SVEP1: variants seen among roughly 807,000 people sequenced by gnomAD.
SVEP1 encodes the protein sushi, von Willebrand factor type A, EGF and pentraxin domain containing 1.
A neutral mutation model predicts 367.3 loss-of-function variants in SVEP1; 164 were observed. The ratio of observed to expected loss-of-function variants is 0.45; its 90% CI spans 0.39 to 0.51. SVEP1 has a LOEUF of 0.51. Ranked by LOEUF, SVEP1 falls within the 20% of genes least tolerant of loss-of-function variation. SVEP1 has a pLI of 0.00. For missense variants in SVEP1, 4,117 were observed against 4,425.3 expected, an observed-to-expected ratio of 0.93 and a Z score of 1.98; for synonymous variants, 1,666 against 1,611.6, an observed-to-expected ratio of 1.03 and a Z score of -0.81.
At chr9:110,390,289 AC>A (rs1486261888) in intron 40 of SVEP1, among the ~76,000 whole-genome samples, 12 of 27,928 alleles carry the variant, frequency 4.3e-4, no homozygotes, top group African/African-American at 1.1e-3. Context: ...ATATATACAT[AC>A]TTATATATAC....
chr9:110,470,151 A>G (rs1024558402), intron 16 of SVEP1, among the ~76,000 whole-genome samples: 5 of 152,132 alleles, frequency 3.3e-5, no homozygotes, highest in Non-Finnish European at 4.4e-5. Context: ...ATTGACCCAG[A>G]TCATGGCAGT....
chr9:110,455,583 C>T lies in SVEP1; in HGVS notation c.3787+7G>A. The T allele has an allele frequency of 6.2e-7, 1 of 1,603,388 alleles. No individual in the cohort carries two copies. Among genetic ancestry groups the T allele is most frequent in the South Asian group, 1.1e-5 (1 of 89,644 alleles). On this transcript the variant is annotated splice_region_variant and intron_variant, in intron 22 of 47. Transcript: ENST00000374469. ...ATATTGTTGAAAACAGGAGACCTTC[C>T]CCTTACCTGTGTAACCTGATGGGCA...
At chr9:110,465,769 T>G in intron 18 of SVEP1, 96 bp downstream of exon 18, 1 of 1,389,836 alleles carries the variant, frequency 7.2e-7, no homozygotes, top group South Asian at 1.5e-5. Flanking sequence ...ATTCTGTGCA[T>G]AGAGTAGATG....
intron 27 of SVEP1, among the ~76,000 whole-genome samples, chr9:110,440,965 C>T (rs778763599): frequency 6.6e-5 from 10 of 152,184 alleles, no homozygotes; most frequent in Non-Finnish European, 1.5e-4. Flanking sequence ...ATTTGAGAGA[C>T]TCATTTTAAC....
chr9:110,408,602 A>T lies in SVEP1; in HGVS notation c.6998T>A (p.Leu2333Gln). 6.2e-7 allele frequency: 1 copy of T among 1,613,964 alleles called. No homozygotes were observed. The highest frequency in any genetic ancestry group is 8.5e-7 in the Non-Finnish European group (1 of 1,179,890). ...CPEPPLLENQ[L>Q]VLKELTTEVG... The stretch of plus-strand genomic sequence containing the variant: ...CTCGGTGGTCAACTCCTTTAATACT[A>T]GCTGGTTTTCCAAGAGGGGCGGCTC... The change falls in exon 38 of 48, where the codon CTA becomes CAA. Residue 2333 changes from leucine (L) to glutamine (Q), a missense_variant. By Grantham distance (113) the Leu-to-Gln change is moderately radical. Around this residue, in one of 4 missense-constraint regions of SVEP1, gnomAD observed 1,765 missense variants for 1,781.1 expected, o/e 0.99. Coordinates refer to ENST00000374469, the MANE Select transcript of SVEP1 (RefSeq NM_153366.4).
chr9:110,485,833 T>C (rs1829268737), intron 9 of SVEP1, among the ~76,000 whole-genome samples: 1 of 152,208 alleles, frequency 6.6e-6, no homozygotes, highest in African/African-American at 2.4e-5. Flanking sequence ...CCAAGATATA[T>C]GCAAATACAT....
At chr9:110,508,760 CAAAAAAAAAAA>C (rs11316319) in intron 5 of SVEP1, among the ~76,000 whole-genome samples, 1 of 76,496 alleles carries the variant, frequency 1.3e-5, no homozygotes, top group Admixed American at 1.8e-4. Flanking sequence ...GACTCCATCT[CAAAAAAAAAAA>C]AAAAAAAAAA....
intron 47 of SVEP1, among the ~76,000 whole-genome samples, chr9:110,368,625 A>ATAAAATC (rs1456345770): frequency 1.2e-4 from 18 of 152,352 alleles, no homozygotes; most frequent in African/African-American, 3.8e-4. Context: ...AGGTTGAAAT[A>ATAAAATC]TAAAATCTAA....
At chr9:110,483,302 C>T (rs1324972149) in intron 10 of SVEP1, among the ~76,000 whole-genome samples, 1 of 152,086 alleles carries the variant, frequency 6.6e-6, no homozygotes, top group East Asian at 1.9e-4. Flanking sequence ...GCAACATAAG[C>T]TTGGAGACTA....
intron 40 of SVEP1, among the ~76,000 whole-genome samples, chr9:110,390,325 T>TTATATAAGTATGTG (rs1564127547): frequency 5.2e-5 from 3 of 58,072 alleles, no homozygotes; most frequent in African/African-American, 2.5e-4. Flanking sequence ...GTATATATAC[T>TTATATAAGTATGTG]TATATATACA....
chr9:110,503,190 G>A lies in SVEP1; in HGVS notation c.1331C>T (p.Pro444Leu), dbSNP rs116347456. The change falls in exon 6 of 48, where the codon CCG (proline) becomes CTG (leucine). Residue 444 changes from proline (P) to leucine (L), a missense_variant. By Grantham distance (98) the Pro-to-Leu change is moderately conservative (BLOSUM62 -3). This residue lies in a region of SVEP1 where 2,174 missense variants were observed against 2,494.3 expected (regional missense o/e 0.87). Transcript: ENST00000374469. ...RVRTCPHLRQ[P>L]KHGHISCSTR... The stretch of plus-strand genomic sequence containing the variant: ...AGAACAGCTGATGTGGCCATGTTTC[G>A]GCTGGCGGAGATGAGGACATGTTCT... 1.2e-3 allele frequency: 1,986 copies of A among 1,613,244 alleles called. 26 individuals carry two copies. In the African/African-American group the frequency reaches 0.022, roughly 18 times the overall value.
intron 18 of SVEP1, among the ~76,000 whole-genome samples, chr9:110,462,369 AGTTT>A (rs1828870555): frequency 6.6e-6 from 1 of 152,016 alleles, no homozygotes; most frequent in Non-Finnish European, 1.5e-5. Flanking sequence ...CAATTTTATT[AGTTT>A]AAGTTATTGT....
chr9:110,570,599 G>A (rs1416980818), intron 1 of SVEP1, among the ~76,000 whole-genome samples: 1 of 151,732 alleles, frequency 6.6e-6, no homozygotes, highest in African/African-American at 2.4e-5. Flanking sequence ...TCCTGCCTCC[G>A]TCTCCCAAGT....
chr9:110,382,440 A>C (rs2118955839), intron 43 of SVEP1, among the ~76,000 whole-genome samples: 1 of 152,320 alleles, frequency 6.6e-6, no homozygotes, highest in Admixed American at 6.5e-5. Context: ...GTTTGCTGTT[A>C]GTCTGATGGG....
chr9:110,451,445 G>T lies in SVEP1; in HGVS notation c.3788-43C>A, dbSNP rs762912413. The T allele has an allele frequency of 2.7e-6, 4 of 1,477,590 alleles. No homozygotes were observed. In the Admixed American group the frequency reaches 7.1e-5, roughly 26 times the overall value. The allele number at this position is 1,477,590 out of a possible 1,614,324, so 91.5% of individuals were successfully genotyped here. ...TCTTTGAGCTGGAGAAAACTTGACA[G>T]AACTTTAAGACCAATAGTTTCCAAG... On this transcript the variant is annotated intron_variant, in intron 22 of 47. Transcript: ENST00000374469.
chr9:110,375,490 A>AAAAAG, intron 45 of SVEP1, 27 bp from the exon 46 acceptor site: 2 of 1,338,828 alleles, frequency 1.5e-6, no homozygotes, highest in East Asian at 2.7e-5. Flanking sequence ...AAAAAAAAAA[A>AAAAAG]GGAGGCAGGG....
chr9:110,491,317 T>G (rs1829362466), intron 8 of SVEP1, among the ~76,000 whole-genome samples: 1 of 152,006 alleles, frequency 6.6e-6, no homozygotes, highest in Non-Finnish European at 1.5e-5. Flanking sequence ...AATACATTTA[T>G]TCTATAAATA....
intron 46 of SVEP1, among the ~76,000 whole-genome samples, chr9:110,375,075 C>T (rs1827329639): frequency 6.6e-6 from 1 of 151,504 alleles, no homozygotes. Flanking sequence ...TTATTCTGAA[C>T]CTCTGTGTAA....
chr9:110,489,139 C>T (rs1829329153), intron 9 of SVEP1, among the ~76,000 whole-genome samples: 1 of 152,078 alleles, frequency 6.6e-6, no homozygotes, highest in African/African-American at 2.4e-5. Flanking sequence ...TTGTAGGTTT[C>T]AAACAGGGAG....
Sources: gnomAD v4.1 joint callset for allele counts (sites outside exome capture counted in the v4.1 genomes callset) on GRCh38, gnomAD v4.1.1 for gene constraint, gnomAD v4.1.1 regional missense constraint, MANE v1.5 for transcripts, NCBI Gene and HGNC (gene_info 2026-07-23, HGNC 2026-07-21) for gene names.